PCDH9: variants seen among roughly 807,000 people sequenced by gnomAD.
The protein encoded by PCDH9 is protocadherin 9, also known as protocadherin-9.
Under a neutral mutation model 70.6 loss-of-function variants are expected in PCDH9, and 24 were observed. The ratio of observed to expected loss-of-function variants is 0.34; its 90% CI spans 0.25 to 0.48. The LOEUF (loss-of-function observed/expected upper bound fraction) is 0.48. PCDH9 is among the 20% of genes least tolerant of loss of function. PCDH9 has a pLI of 0.99. For missense variants in PCDH9, 1,281 were observed against 1,503.6 expected, an observed-to-expected ratio of 0.85 and a Z score of 2.45; for synonymous variants, 562 against 558.5, an observed-to-expected ratio of 1.01 and a Z score of -0.09.
At chr13:66,819,361 G>A (rs188161039) in intron 3 of PCDH9, among the ~76,000 whole-genome samples, 23 of 151,542 alleles carry the variant, frequency 1.5e-4, no homozygotes, top group African/African-American at 5.3e-4. Context: ...ATTTTTGCTT[G>A]ACTCTTTATT....
chr13:67,185,770 T>C (rs962041062), intron 2 of PCDH9, among the ~76,000 whole-genome samples: 3 of 152,236 alleles, frequency 2.0e-5, no homozygotes, highest in Non-Finnish European at 2.9e-5. Flanking sequence ...TTCACTCTTG[T>C]TGCCCAGGCT....
At chr13:67,183,249 G>A (rs902400388) in intron 2 of PCDH9, among the ~76,000 whole-genome samples, 2 of 151,988 alleles carry the variant, frequency 1.3e-5, no homozygotes, top group African/African-American at 4.8e-5. Flanking sequence ...TTTCTACCAC[G>A]TCCAACCATG....
intron 4 of PCDH9, among the ~76,000 whole-genome samples, chr13:66,595,484 G>A (rs2077091883): frequency 6.6e-6 from 1 of 151,710 alleles, no homozygotes; most frequent in East Asian, 1.9e-4. Context: ...AAAGGGGTGA[G>A]ATTTCTTTCT....
At chr13:66,435,282 T>A (rs1371082190) in intron 4 of PCDH9, among the ~76,000 whole-genome samples, 1 of 152,170 alleles carries the variant, frequency 6.6e-6, no homozygotes, top group Non-Finnish European at 1.5e-5. Flanking sequence ...AAATCCATTT[T>A]GAGAAAGGCA....
chr13:66,372,883 C>G (rs975059511), intron 4 of PCDH9, among the ~76,000 whole-genome samples: 1 of 151,870 alleles, frequency 6.6e-6, no homozygotes. Context: ...ACATAGATGG[C>G]TGGCTCTAGT....
At chr13:67,022,444 CTT>C (rs1237480113) in intron 2 of PCDH9, among the ~76,000 whole-genome samples, 2 of 152,052 alleles carry the variant, frequency 1.3e-5, no homozygotes, top group Non-Finnish European at 2.9e-5. Flanking sequence ...TAATTAGAGA[CTT>C]GAATATTGAA....
intron 4 of PCDH9, among the ~76,000 whole-genome samples, chr13:66,382,859 T>C (rs1246236322): frequency 6.6e-6 from 1 of 152,108 alleles, no homozygotes; most frequent in Non-Finnish European, 1.5e-5. Flanking sequence ...GGTGAAACTC[T>C]GTCACTACTA....
chr13:66,729,615 T>C (rs1323393300), intron 3 of PCDH9, among the ~76,000 whole-genome samples: 1 of 152,150 alleles, frequency 6.6e-6, no homozygotes, highest in African/African-American at 2.4e-5. Context: ...TCTATACACC[T>C]TCCTTCCTGT....
At chr13:66,542,246 T>G (rs1287693649) in intron 4 of PCDH9, among the ~76,000 whole-genome samples, 1 of 152,074 alleles carries the variant, frequency 6.6e-6, no homozygotes, top group South Asian at 2.1e-4. Flanking sequence ...ACTACAAAAT[T>G]AGGTTTGATC....
rs150652122 is a variant in PCDH9, at chr13:67,195,009, G to A, written c.3036+30396C>T. Among the ~76,000 whole-genome samples, 1,276 of 152,114 alleles carry A rather than the reference G, an allele frequency of 8.4e-3. 18 individuals carry two copies. The highest frequency in any genetic ancestry group is 0.043 in the South Asian group (208 of 4,818). On this transcript the variant is annotated intron_variant, in intron 2 of 4. Coordinates refer to ENST00000377865, the MANE Select transcript of PCDH9 (RefSeq NM_203487.3). ...CCGGCTTGATTGAAAATAGGAACCT[G>A]GATCACTTGTGAAAACTGAGAAATT...
chr13:66,403,348 T>C (rs948002131), intron 4 of PCDH9, among the ~76,000 whole-genome samples: 1 of 152,032 alleles, frequency 6.6e-6, no homozygotes, highest in African/African-American at 2.4e-5. Context: ...TGTTTCACCA[T>C]GTTGCCCAGG....
chr13:66,599,626 A>C (rs1462225194), intron 4 of PCDH9, among the ~76,000 whole-genome samples: 1 of 151,554 alleles, frequency 6.6e-6, no homozygotes, highest in African/African-American at 2.4e-5. Flanking sequence ...AACTCACTGC[A>C]GCCTTGACCT....
intron 2 of PCDH9, among the ~76,000 whole-genome samples, chr13:66,959,734 G>C (rs947951934): frequency 5.6e-5 from 8 of 143,856 alleles, no homozygotes; most frequent in Non-Finnish European, 1.0e-4. Flanking sequence ...CTGGGCAACA[G>C]AGTGAGACCC....
At chr13:66,778,788 G>A (rs1338608364) in intron 3 of PCDH9, among the ~76,000 whole-genome samples, 1 of 152,096 alleles carries the variant, frequency 6.6e-6, no homozygotes, top group Non-Finnish European at 1.5e-5. Context: ...TGGCCAGGCT[G>A]GATTCAAACT....
intron 3 of PCDH9, among the ~76,000 whole-genome samples, chr13:66,899,054 CCCTCTTACTCACCATTTGACATATTT>C (rs1253506982): frequency 6.6e-6 from 1 of 151,896 alleles, no homozygotes; most frequent in Non-Finnish European, 1.5e-5. Context: ...TCTCACGCAC[CCCTCTTACTCACCATTTGACATATTT>C]TAATTCTATT....
intron 2 of PCDH9, among the ~76,000 whole-genome samples, chr13:66,944,012 T>C (rs1363612887): frequency 6.6e-6 from 1 of 151,650 alleles, no homozygotes; most frequent in Non-Finnish European, 1.5e-5. Context: ...TGTTTATATG[T>C]CTATAACTTA....
Position 66,717,084 on chromosome 13 carries a change from A to T in PCDH9, c.3139-85673T>A, listed in dbSNP as rs1264208260. 2.0e-5 allele frequency among the ~76,000 whole-genome samples: 3 copies of T among 151,992 alleles called. No individual in the cohort carries two copies. In the East Asian group the frequency reaches 5.8e-4, roughly 29 times the overall value. On this transcript the variant is annotated intron_variant, in intron 3 of 4. Transcript: ENST00000377865. ...GAGCTTAATTTTTATGAAATTATCTAATTTTATTTATTTTTTAACTCCTTA... is the reference window on the plus strand; with the variant it reads ...GAGCTTAATTTTTATGAAATTATCTTATTTTATTTATTTTTTAACTCCTTA...
chr13:66,786,224 T>C (rs1268642963), intron 3 of PCDH9, among the ~76,000 whole-genome samples: 2 of 152,168 alleles, frequency 1.3e-5, no homozygotes, highest in African/African-American at 2.4e-5. Context: ...CTATGCTACA[T>C]ACAGCCACAT....
intron 3 of PCDH9, among the ~76,000 whole-genome samples, chr13:66,695,427 A>G (rs1442040359): frequency 6.6e-6 from 1 of 152,206 alleles, no homozygotes; most frequent in Non-Finnish European, 1.5e-5. Context: ...ATTATGACCT[A>G]CATGATGTGA....
Sources: allele counts gnomAD v4.1 joint callset (sites outside exome capture counted in the v4.1 genomes callset), GRCh38; gene constraint gnomAD v4.1.1; transcripts MANE v1.5; gene names NCBI Gene and HGNC (gene_info 2026-07-23, HGNC 2026-07-21).